The following SEMA6D variants were observed in gnomAD, a reference collection of about 807,000 sequenced individuals.
The protein encoded by SEMA6D is semaphorin 6D.
A neutral mutation model predicts 106.6 loss-of-function variants in SEMA6D; 35 were observed. The ratio of observed to expected loss-of-function variants is 0.33; its 90% CI spans 0.25 to 0.44. The LOEUF (loss-of-function observed/expected upper bound fraction) is 0.44. Ranked by LOEUF, SEMA6D falls within the 20% of genes least tolerant of loss-of-function variation. SEMA6D has a pLI of 1.00. For missense variants in SEMA6D, 1,185 were observed against 1,345.9 expected, an observed-to-expected ratio of 0.88 and a Z score of 1.87; for synonymous variants, 499 against 487.7, an observed-to-expected ratio of 1.02 and a Z score of -0.31.
intron 1 of SEMA6D, among the ~76,000 whole-genome samples, chr15:47,341,435 C>A (rs2037808993): frequency 6.6e-6 from 1 of 152,014 alleles, no homozygotes; most frequent in East Asian, 1.9e-4. Context: ...AAAAATGAGA[C>A]CCCATCTAAT....
chr15:47,500,357 G>A (rs2043809724), intron 3 of SEMA6D, among the ~76,000 whole-genome samples: 1 of 151,968 alleles, frequency 6.6e-6, no homozygotes, highest in African/African-American at 2.4e-5. Context: ...TTTCTAAATT[G>A]TATATTTCTG....
chr15:47,375,834 A>G (rs1315579574), intron 1 of SEMA6D, among the ~76,000 whole-genome samples: 1 of 152,254 alleles, frequency 6.6e-6, no homozygotes, highest in Non-Finnish European at 1.5e-5. Context: ...CATTACATAT[A>G]CATTTATGTT....
chr15:47,734,721 A>C (rs2146821920), intron 1 of SEMA6D, among the ~76,000 whole-genome samples: 1 of 152,314 alleles, frequency 6.6e-6, no homozygotes, highest in East Asian at 1.9e-4. Context: ...TCAGGGAATA[A>C]GACATAGGTA....
At chr15:47,569,396 A>G (rs539052948) in intron 3 of SEMA6D, among the ~76,000 whole-genome samples, 1 of 152,132 alleles carries the variant, frequency 6.6e-6, no homozygotes, top group Non-Finnish European at 1.5e-5. Flanking sequence ...ACTGTGGCCT[A>G]CAGTGCCCAT....
At chr15:47,307,753 C>T (rs2036284812) in intron 1 of SEMA6D, among the ~76,000 whole-genome samples, 2 of 152,198 alleles carry the variant, frequency 1.3e-5, no homozygotes, top group Admixed American at 1.3e-4. Context: ...ATCTTCCCTT[C>T]ATTTTCTAAA....
intron 1 of SEMA6D, among the ~76,000 whole-genome samples, chr15:47,732,657 C>A (rs1446678889): frequency 6.6e-6 from 1 of 152,196 alleles, no homozygotes; most frequent in Non-Finnish European, 1.5e-5. Context: ...ATATTACCTA[C>A]ACATAGTGTA....
At chr15:47,649,894 A>C (rs750307716) in intron 4 of SEMA6D, among the ~76,000 whole-genome samples, 2 of 152,232 alleles carry the variant, frequency 1.3e-5, no homozygotes, top group African/African-American at 2.4e-5. Context: ...TAGAGTCTTC[A>C]CTGAAGAAAT....
chr15:47,237,624 T>C (rs2032638060), intron 1 of SEMA6D, among the ~76,000 whole-genome samples: 1 of 152,064 alleles, frequency 6.6e-6, no homozygotes, highest in Admixed American at 6.6e-5. Context: ...TCAGTGGCTT[T>C]GCAAGTGTGA....
intron 2 of SEMA6D, among the ~76,000 whole-genome samples, chr15:47,449,368 G>A (rs1281354172): frequency 6.6e-6 from 1 of 152,084 alleles, no homozygotes; most frequent in African/African-American, 2.4e-5. Context: ...ATGTTAGGGT[G>A]TGTGTGCTCT....
intron 1 of SEMA6D, among the ~76,000 whole-genome samples, chr15:47,245,945 CT>C (rs1303762643): frequency 1.3e-5 from 2 of 152,094 alleles, no homozygotes; most frequent in Non-Finnish European, 2.9e-5. Flanking sequence ...CATAAACATG[CT>C]TCGTGGGAAT....
rs2043752217 is a variant in SEMA6D, at chr15:47,498,753, C to G, written c.-87+28208C>G. 2.6e-5 allele frequency among the ~76,000 whole-genome samples: 4 copies of G among 152,026 alleles called. No individual in the cohort carries two copies. The South Asian group carries it at 8.3e-4, about 32-fold the overall frequency. On this transcript the variant is annotated intron_variant, in intron 3 of 19. Coordinates refer to the SEMA6D transcript ENST00000558014. ...TCTCAAAGGGATTGATGTTTTTCTC[C>G]TAAAAAGCTACCTGAGGCACAAGAG...
chr15:47,608,931 T>C (rs1226137659), intron 4 of SEMA6D, among the ~76,000 whole-genome samples: 1 of 152,202 alleles, frequency 6.6e-6, no homozygotes, highest in Non-Finnish European at 1.5e-5. Flanking sequence ...CCTTGAATTA[T>C]TACGGAACAC....
chr15:47,541,528 G>A (rs1451544371), intron 3 of SEMA6D, among the ~76,000 whole-genome samples: 1 of 152,174 alleles, frequency 6.6e-6, no homozygotes, highest in Non-Finnish European at 1.5e-5. Flanking sequence ...TATGTAGTAA[G>A]ATGGTGCCAG....
At chr15:47,391,665 T>G (rs975877795) in intron 1 of SEMA6D, among the ~76,000 whole-genome samples, 17 of 152,032 alleles carry the variant, frequency 1.1e-4, no homozygotes, top group Non-Finnish European at 2.1e-4. Flanking sequence ...ATTGATTTTT[T>G]TTTTTTTTTG....
intron 3 of SEMA6D, among the ~76,000 whole-genome samples, chr15:47,510,001 T>A (rs972611275): frequency 1.4e-4 from 21 of 152,224 alleles, no homozygotes; most frequent in African/African-American, 4.8e-4. Context: ...CCCTTCCACC[T>A]TAGTGATTAT....
intron 1 of SEMA6D, among the ~76,000 whole-genome samples, chr15:47,270,949 A>C (rs1378685961): frequency 1.3e-5 from 2 of 152,188 alleles, no homozygotes; most frequent in Non-Finnish European, 2.9e-5. Context: ...CATCTCAAAA[A>C]AAAAATATAG....
intron 1 of SEMA6D, among the ~76,000 whole-genome samples, chr15:47,402,645 C>T (rs1303024718): frequency 2.0e-5 from 3 of 152,088 alleles, no homozygotes; most frequent in Admixed American, 2.0e-4. Flanking sequence ...TGGGCCCCTC[C>T]AGCATTGTAC....
At position 47,480,319 on chromosome 15, in the gene SEMA6D, T is replaced by A. The variant is rs149229108; in HGVS notation, c.-87+9774T>A. 1.9e-3 allele frequency among the ~76,000 whole-genome samples: 286 copies of A among 152,210 alleles called. 1 individual carries two copies. Among genetic ancestry groups the A allele is most frequent in the African/African-American group, 6.7e-3 (278 of 41,542 alleles). On this transcript the variant is annotated intron_variant, in intron 3 of 19. Transcript: ENST00000558014. ...GTATCTCCTATCTAATGGGTAACTCTAATCATAATACTGTCCCACCCAGAA... is the reference window on the plus strand; with the variant it reads ...GTATCTCCTATCTAATGGGTAACTCAAATCATAATACTGTCCCACCCAGAA...
At position 47,207,984 on chromosome 15, in the gene SEMA6D, G is replaced by GGC. The variant is rs143248605; in HGVS notation, c.-239+23575_-239+23576dup. Among the ~76,000 whole-genome samples, 636 of 73,074 alleles carry GGC rather than the reference G, an allele frequency of 8.7e-3. 4 individuals carry two copies. Among genetic ancestry groups the GGC allele is most frequent in the Middle Eastern group, 0.041 (6 of 148 alleles). 47.9% of individuals were successfully genotyped at this position (73,074 alleles called of 152,430 possible). On this transcript the variant is annotated intron_variant, in intron 1 of 19. Coordinates refer to the SEMA6D transcript ENST00000558014. ...TGTGGAAACAGGTACAGTAGCCACT[G>GGC]GCGCGCGCGCACACACACACACACA...
Sources: allele counts gnomAD v4.1 joint callset (sites outside exome capture counted in the v4.1 genomes callset), GRCh38; gene constraint gnomAD v4.1.1; transcripts MANE v1.5; gene names NCBI Gene and HGNC (gene_info 2026-07-23, HGNC 2026-07-21).